Variants in VWDE observed in about 807,000 individuals in gnomAD.
VWDE encodes the protein von Willebrand factor D and EGF domain-containing protein.
A neutral mutation model predicts 178.4 loss-of-function variants in VWDE; 207 were observed. The ratio of observed to expected loss-of-function variants is 1.16; its 90% confidence interval spans 1.04 to 1.30. The LOEUF (loss-of-function observed/expected upper bound fraction) is 1.30. VWDE is among the 50% of genes most tolerant of loss of function. The pLI is 0.00. For synonymous variants in VWDE, 738 were observed against 651.4 expected (o/e 1.13, Z -2.02); for missense variants, 2,287 against 1,901.3 (o/e 1.20, Z -3.77).
In VWDE at chr7:12,341,976, T is replaced by C. The variant is rs2128546747; in HGVS notation, c.4270+83A>G. On this transcript the variant is annotated intron_variant, in intron 23 of 28. Transcript: ENST00000275358. ...TACCTGTCTTGTCAGGTCAGTTTTA[T>C]GTTTCTTAGGTGCACGTCTTCAGGA... The C allele has an allele frequency of 2.7e-6, 3 of 1,117,248 alleles. No individual in the cohort carries two copies. In the East Asian group the frequency reaches 7.8e-5, roughly 29 times the overall value. The allele number at this position is 1,117,248 out of a possible 1,614,324, so 69.2% of individuals were successfully genotyped here.
chr7:12,332,637 C>A (rs2128543005), intron 28 of VWDE, among the ~76,000 whole-genome samples: 1 of 152,202 alleles, frequency 6.6e-6, no homozygotes, highest in Admixed American at 6.5e-5. Context: ...AATATTTAAT[C>A]AAATAAGTAC....
chr7:12,399,626 A>C (rs900916039), intron 1 of VWDE, among the ~76,000 whole-genome samples: 3 of 152,110 alleles, frequency 2.0e-5, no homozygotes, highest in African/African-American at 4.8e-5. Flanking sequence ...ATTTTCCCCA[A>C]GTGCACATGG....
intron 1 of VWDE, among the ~76,000 whole-genome samples, chr7:12,399,746 T>C (rs1275495175): frequency 1.3e-5 from 2 of 151,812 alleles, no homozygotes; most frequent in East Asian, 3.9e-4. Context: ...ACTAGGGAGG[T>C]TGACGTGGGA....
At chr7:12,386,076 T>C (rs893490698) in intron 3 of VWDE, among the ~76,000 whole-genome samples, 1 of 152,184 alleles carries the variant, frequency 6.6e-6, no homozygotes, top group Admixed American at 6.6e-5. Context: ...TTTGTTTTCT[T>C]TTTTATTAGT....
chr7:12,372,839 T>A, intron 10 of VWDE, 138 bp downstream of exon 10: 1 of 810,304 alleles, frequency 1.2e-6, no homozygotes, highest in Non-Finnish European at 1.9e-6. Context: ...ATGTATTCCC[T>A]CTAAGATGAT....
At chr7:12,353,216 G>C (rs1001118875) in intron 18 of VWDE, among the ~76,000 whole-genome samples, 11 of 152,190 alleles carry the variant, frequency 7.2e-5, no homozygotes, top group African/African-American at 2.7e-4. Flanking sequence ...AGCTGACTGA[G>C]TTTTTGGTGA....
In VWDE at chr7:12,369,997, G is replaced by T. The variant is rs780962187; in HGVS notation, c.2309C>A (p.Thr770Lys). Residue 770 changes from threonine (T) to lysine (K), a missense_variant, in exon 12 of 29, where the codon ACG becomes AAG. Transcript: ENST00000275358. The stretch of plus-strand genomic sequence containing the variant: ...AAAATAAGTAAGTTCTTCCAGATCC[G>T]TTTGGCTGAGACTCGGGAAAGCAAA... ...PLFAFPSLSQ[T>K]DLEELTYFFP... 27 of 1,551,338 alleles carry T rather than the reference G, an allele frequency of 1.7e-5. No homozygotes were observed. The Admixed American group carries it at 5.3e-4, about 30-fold the overall frequency.
In VWDE at chr7:12,389,179, A is replaced by G; in HGVS notation, c.423T>C (p.Phe141=). 6.4e-7 allele frequency: 1 copy of G among 1,552,044 alleles called. No individual in the cohort carries two copies. The highest frequency in any genetic ancestry group is 1.2e-5 in the South Asian group (1 of 84,058). Residue 141 remains phenylalanine (F), a synonymous_variant, in exon 3 of 29, where the codon TTT becomes TTC. Coordinates refer to ENST00000275358, the MANE Select transcript of VWDE (RefSeq NM_001135924.3). ...GAGTTGGTTGTAGTAAGTATACAGA[A>G]AAGTTCCCACAGTTTCTTACAGACA... ...IPVSVRNCGN[F]SVYLLQPTQG...
At chr7:12,368,930 AGGAAAAGGCTGTAGGT>A (rs1358045781) in intron 12 of VWDE, among the ~76,000 whole-genome samples, 1 of 152,130 alleles carries the variant, frequency 6.6e-6, no homozygotes, top group African/African-American at 2.4e-5. Context: ...TTTACTAAGA[AGGAAAAGGCTGTAGGT>A]GGAAAAGAGC....
At chr7:12,387,058 TTAAAGA>T (rs1784133430) in intron 3 of VWDE, among the ~76,000 whole-genome samples, 1 of 152,158 alleles carries the variant, frequency 6.6e-6, no homozygotes, top group African/African-American at 2.4e-5. Context: ...TATTTCTTTT[TTAAAGA>T]TAGAACTACT....
intron 1 of VWDE, among the ~76,000 whole-genome samples, chr7:12,402,527 G>A (rs1253983629): frequency 6.6e-6 from 1 of 152,034 alleles, no homozygotes; most frequent in Non-Finnish European, 1.5e-5. Flanking sequence ...GGCAAAAAAG[G>A]GTTATGCGGT....
chr7:12,368,179 G>C (rs77230147), intron 12 of VWDE, among the ~76,000 whole-genome samples: 6 of 142,974 alleles, frequency 4.2e-5, no homozygotes, highest in Non-Finnish European at 9.1e-5. Flanking sequence ...TGGGGATGTA[G>C]TAATGAACAA....
chr7:12,386,267 G>T (rs532225017), intron 3 of VWDE, among the ~76,000 whole-genome samples: 31 of 152,236 alleles, frequency 2.0e-4, no homozygotes, highest in African/African-American at 7.0e-4. Flanking sequence ...CACCCAATGA[G>T]ATTGATGCAT....
At chr7:12,374,825 A>T in intron 8 of VWDE, 63 bp from the exon 9 acceptor site, 1 of 1,196,544 alleles carries the variant, frequency 8.4e-7, no homozygotes, top group Non-Finnish European at 1.2e-6. Context: ...TATATAAAAA[A>T]TTGCTTAGCA....
At position 12,373,143 on chromosome 7, in the gene VWDE, G is replaced by A. The variant is rs1783305087; in HGVS notation, c.1421C>T (p.Pro474Leu). ...AACAAACCCACAATTACATGACACTGGATAGTGAAGGCTTCTGCAGTCCCA... is the reference window on the plus strand; with the variant it reads ...AACAAACCCACAATTACATGACACTAGATAGTGAAGGCTTCTGCAGTCCCA... ...RQWDCRSLHY[P>L]VSCNCGFVAQ... The change falls in exon 10 of 29, where the codon CCA becomes CTA. Residue 474 changes from proline (P) to leucine (L), a missense_variant. Coordinates refer to ENST00000275358, the MANE Select transcript of VWDE (RefSeq NM_001135924.3). The A allele has an allele frequency of 2.6e-6, 4 of 1,551,314 alleles. No homozygotes were observed. In the East Asian group the frequency reaches 9.8e-5, roughly 38 times the overall value.
At position 12,380,467 on chromosome 7, in the gene VWDE, C is replaced by T; in HGVS notation, c.789+19G>A. On this transcript the variant is annotated intron_variant, in intron 5 of 28. Coordinates refer to ENST00000275358, the MANE Select transcript of VWDE (RefSeq NM_001135924.3). ...TCAATACATTCATGAAAATAAAATG[C>T]AACTGTTTTTTAACATACCCTGTCT... The T allele has an allele frequency of 6.5e-7, 1 of 1,537,744 alleles. No homozygotes were observed. The highest frequency in any genetic ancestry group is 1.2e-5 in the South Asian group (1 of 81,972).
chr7:12,397,686 C>G (rs1271330906), intron 1 of VWDE, among the ~76,000 whole-genome samples: 1 of 152,070 alleles, frequency 6.6e-6, no homozygotes, highest in South Asian at 2.1e-4. Flanking sequence ...GGTCTAATAT[C>G]CAGAATCTAT....
chr7:12,384,712 C>T (rs1230445186), intron 3 of VWDE, among the ~76,000 whole-genome samples: 1 of 152,096 alleles, frequency 6.6e-6, no homozygotes, highest in Admixed American at 6.6e-5. Flanking sequence ...TCCCCATACT[C>T]ATTTACAGGA....
chr7:12,376,116 A>G (rs1026780540), intron 7 of VWDE, among the ~76,000 whole-genome samples: 1 of 151,942 alleles, frequency 6.6e-6, no homozygotes, highest in African/African-American at 2.4e-5. Flanking sequence ...AGAAATATAT[A>G]CTTTTCCCAT....
Sources: gnomAD v4.1 joint callset for allele counts (sites outside exome capture counted in the v4.1 genomes callset) on GRCh38, gnomAD v4.1.1 for gene constraint, MANE v1.5 for transcripts, NCBI Gene and HGNC (gene_info 2026-07-23, HGNC 2026-07-21) for gene names.